Variants in ERG observed in about 807,000 individuals in gnomAD.
ERG encodes transcriptional regulator ERG.
In ERG, 9 loss-of-function variants were observed where a neutral mutation model predicts 55.3. That is an observed-to-expected ratio of 0.16 (90% CI 0.10 to 0.28). ERG has a LOEUF of 0.28. ERG is among the 10% of genes least tolerant of loss of function. ERG has a pLI of 1.00. For missense variants in ERG, 434 were observed against 631.6 expected (o/e 0.69, Z 3.35); for synonymous variants, 223 against 237.3 (o/e 0.94, Z 0.55).
chr21:38,474,517 C>T (rs951118704), intron 1 of ERG, among the ~76,000 whole-genome samples: 6 of 152,308 alleles, frequency 3.9e-5, no homozygotes, highest in African/African-American at 1.4e-4. Flanking sequence ...CTCAGACTTT[C>T]ACCCTGCCTC....
intron 2 of ERG, among the ~76,000 whole-genome samples, chr21:38,436,044 A>C (rs1335086529): frequency 1.9e-5 from 2 of 107,628 alleles, no homozygotes; most frequent in African/African-American, 7.3e-5. Flanking sequence ...TTTGAGACGG[A>C]GTTTTGCTCT....
chr21:38,622,361 T>C (rs1217010251), intron 1 of ERG, among the ~76,000 whole-genome samples: 1 of 151,646 alleles, frequency 6.6e-6, no homozygotes, highest in Non-Finnish European at 1.5e-5. Flanking sequence ...CATCAGTAGG[T>C]AACACACACA....
intron 2 of ERG, among the ~76,000 whole-genome samples, chr21:38,531,475 T>C (rs966591211): frequency 6.6e-6 from 1 of 152,118 alleles, no homozygotes; most frequent in Admixed American, 6.5e-5. Context: ...CCATTCCTAC[T>C]TCTCAGACTC....
intron 1 of ERG, among the ~76,000 whole-genome samples, chr21:38,579,473 G>A (rs370405247): frequency 3.3e-5 from 5 of 152,182 alleles, no homozygotes; most frequent in African/African-American, 4.8e-5. Context: ...CCAGTGAGGC[G>A]TGTGGATATA....
At chr21:38,595,426 G>A (rs2060125168) in intron 1 of ERG, among the ~76,000 whole-genome samples, 3 of 152,142 alleles carry the variant, frequency 2.0e-5, no homozygotes, top group African/African-American at 7.2e-5. Flanking sequence ...AGAGCAGGAT[G>A]GAAAGCCAGG....
intron 1 of ERG, among the ~76,000 whole-genome samples, chr21:38,483,027 C>G (rs2059251632): frequency 6.6e-6 from 1 of 152,170 alleles, no homozygotes; most frequent in South Asian, 2.1e-4. Flanking sequence ...ATGGATGAAT[C>G]TGGAGGACGT....
At chr21:38,574,319 C>T (rs1245037175) in intron 2 of ERG, among the ~76,000 whole-genome samples, 2 of 152,198 alleles carry the variant, frequency 1.3e-5, no homozygotes, top group Non-Finnish European at 2.9e-5. Flanking sequence ...AGATTTCCTA[C>T]TTGCACTTTT....
At chr21:38,386,681 C>T (rs887465472) in intron 9 of ERG, among the ~76,000 whole-genome samples, 2 of 152,128 alleles carry the variant, frequency 1.3e-5, no homozygotes, top group African/African-American at 4.8e-5. Flanking sequence ...ACTCATGGGC[C>T]AAACCAGGAT....
upstream of ERG, among the ~76,000 whole-genome samples, chr21:38,501,875 A>G (rs1188099205): frequency 1.3e-5 from 2 of 152,250 alleles, no homozygotes; most frequent in South Asian, 2.1e-4. Context: ...ACAAAATAAT[A>G]TAACATAAAT....
At chr21:38,543,893 T>A (rs909883976) in intron 2 of ERG, among the ~76,000 whole-genome samples, 1 of 152,050 alleles carries the variant, frequency 6.6e-6, no homozygotes, top group African/African-American at 2.4e-5. Context: ...TGCACCACCA[T>A]GCCTAGCTAA....
At position 38,624,919 on chromosome 21, in the gene ERG, A is replaced by G. The variant is rs368355473; in HGVS notation, c.-150+36739T>C. 4.6e-5 allele frequency among the ~76,000 whole-genome samples: 7 copies of G among 152,230 alleles called. No individual in the cohort carries two copies. The East Asian group carries it at 7.7e-4, about 17-fold the overall frequency. On this transcript the variant is annotated intron_variant, in intron 1 of 10. Transcript: ENST00000398910. Reference sequence around the variant, plus strand: ...GCCTTATTATTTTAATATCCCCAGTATTTAGCAAATAACCTGGCACATAGA... The same window carrying G: ...GCCTTATTATTTTAATATCCCCAGTGTTTAGCAAATAACCTGGCACATAGA...
intron 2 of ERG, among the ~76,000 whole-genome samples, chr21:38,429,553 ATG>A (rs59954260): frequency 0.057 from 676 of 11,902 alleles, 216 homozygotes; most frequent in African/African-American, 0.079. Flanking sequence ...ATATGTGTAT[ATG>A]TACATGTATA....
At chr21:38,379,929 G>A (rs1346168813), downstream of ERG, 28 of 790,864 alleles carry the variant, frequency 3.5e-5, no homozygotes, top group Non-Finnish European at 4.0e-5. Context: ...GGGCTCAAGC[G>A]ATCCACCCGC....
chr21:38,440,735 G>C (rs556237654), intron 2 of ERG, among the ~76,000 whole-genome samples: 39 of 148,632 alleles, frequency 2.6e-4, no homozygotes, highest in African/African-American at 9.5e-4. Flanking sequence ...GTTGCAGTGA[G>C]CCGAGATTGT....
chr21:38,597,623 C>T (rs541103513), intron 1 of ERG, among the ~76,000 whole-genome samples: 12 of 152,190 alleles, frequency 7.9e-5, no homozygotes, highest in Admixed American at 3.3e-4. Flanking sequence ...GTCCTGGGAA[C>T]GAGGCATGAG....
chr21:38,525,820 C>T (rs185766962), intron 2 of ERG, among the ~76,000 whole-genome samples: 6 of 152,312 alleles, frequency 3.9e-5, no homozygotes, highest in Admixed American at 2.0e-4. Flanking sequence ...ACCACACCTT[C>T]GGTGGAGATG....
intron 1 of ERG, among the ~76,000 whole-genome samples, chr21:38,491,082 A>T (rs1293376780): frequency 6.6e-6 from 1 of 152,080 alleles, no homozygotes; most frequent in Non-Finnish European, 1.5e-5. Context: ...TTTAACTTGG[A>T]GCAATGTCTT....
rs184019781 is a variant in ERG, at chr21:38,482,518, T to C, written c.18+15845A>G. 3.9e-5 allele frequency among the ~76,000 whole-genome samples: 6 copies of C among 152,270 alleles called. No homozygotes were observed. The East Asian group carries it at 9.6e-4, about 24-fold the overall frequency. ...ACCCAGCAATCCCTTTTCTGGGTACTTTCCCAAAGAAATGTAATCACTATC... is the reference window on the plus strand; with the variant it reads ...ACCCAGCAATCCCTTTTCTGGGTACCTTCCCAAAGAAATGTAATCACTATC... On this transcript the variant is annotated intron_variant, in intron 1 of 9. Coordinates refer to ENST00000288319, the MANE Select transcript of ERG (RefSeq NM_182918.4).
At chr21:38,619,743 T>G (rs907190063) in intron 1 of ERG, among the ~76,000 whole-genome samples, 1 of 152,274 alleles carries the variant, frequency 6.6e-6, no homozygotes, top group African/African-American at 2.4e-5. Flanking sequence ...TCTGTGAATT[T>G]ATGGCATTGT....
Sources: allele counts gnomAD v4.1 joint callset (sites outside exome capture counted in the v4.1 genomes callset), GRCh38; gene constraint gnomAD v4.1.1; transcripts MANE v1.5; gene names NCBI Gene and HGNC (gene_info 2026-07-23, HGNC 2026-07-21).